IGSF22: variants seen among roughly 807,000 people sequenced by gnomAD.
IGSF22 encodes the protein immunoglobulin superfamily, member 22.
In IGSF22, 119 loss-of-function variants were observed where a neutral mutation model predicts 127.0. That is an observed-to-expected ratio of 0.94 (90% CI 0.81 to 1.09). The LOEUF (loss-of-function observed/expected upper bound fraction) is 1.09, where lower values mean the gene tolerates loss of function less well. IGSF22 is among the 50% of genes least tolerant of loss of function. IGSF22 has a pLI of 0.00. For missense variants in IGSF22, 1,518 were observed against 1,716.6 expected (o/e 0.88, Z 2.04); for synonymous variants, 568 against 664.7 (o/e 0.85, Z 2.24).
intron 2 of IGSF22, among the ~76,000 whole-genome samples, chr11:18,722,758 T>C (rs913334448): frequency 6.6e-6 from 1 of 152,236 alleles, no homozygotes; most frequent in African/African-American, 2.4e-5. Context: ...TCAGAGATGA[T>C]TTTATTCCAT....
In IGSF22 at chr11:18,706,023, G is replaced by A. The variant is rs1374036538; in HGVS notation, c.3704C>T (p.Ala1235Val). 1 of 1,551,668 alleles carries A rather than the reference G, an allele frequency of 6.4e-7. No homozygotes were observed. Among genetic ancestry groups the A allele is most frequent in the Non-Finnish European group, 8.7e-7 (1 of 1,146,978 alleles). The change falls in exon 22 of 23, where the codon GCC becomes GTC. Residue 1235 changes from alanine (A) to valine (V), a missense_variant. By Grantham distance (64) the Ala-to-Val change is moderately conservative. Coordinates refer to ENST00000513874, the MANE Select transcript of IGSF22 (RefSeq NM_173588.4). ...LRGQDCTMTC[A>V]FLGNPRPTVT... is the part of the protein sequence containing the mutation. Reference sequence around the variant, plus strand: ...TGTGGGCCGCGGGTTCCCAAGGAAGGCGCAGGTCATGGTGCAGTCCTGGCC... The same window carrying A: ...TGTGGGCCGCGGGTTCCCAAGGAAGACGCAGGTCATGGTGCAGTCCTGGCC...
chr11:18,719,426 C>A (rs961377734), intron 7 of IGSF22, among the ~76,000 whole-genome samples: 1 of 152,144 alleles, frequency 6.6e-6, no homozygotes. Context: ...CTTGGCCTCC[C>A]AGAGTGCTGG....
At chr11:18,706,187 G>A (rs1261446105) in intron 21 of IGSF22, 41 bp from the exon 22 acceptor site, 1 of 1,498,274 alleles carries the variant, frequency 6.7e-7, no homozygotes, top group Non-Finnish European at 8.9e-7. Context: ...GGCGCCCCAA[G>A]GCCCCCACCC....
At chr11:18,714,840 A>C (rs1848430958) in intron 11 of IGSF22, among the ~76,000 whole-genome samples, 1 of 152,048 alleles carries the variant, frequency 6.6e-6, no homozygotes, top group Admixed American at 6.5e-5. Flanking sequence ...GGGATGGGGA[A>C]AGGTCAGTGG....
At position 18,716,790 on chromosome 11, in the gene IGSF22, T is replaced by A. The variant is rs754720561; in HGVS notation, c.1184A>T (p.Asp395Val). Reference sequence around the variant, plus strand: ...CGCCTCAGCAGAGAACTCGCCGCTGTCACTGAGTCTGGCATCCTTAATCTT... The same window carrying A: ...CGCCTCAGCAGAGAACTCGCCGCTGACACTGAGTCTGGCATCCTTAATCTT... ...TLKIKDARLSDSGEFSAEAGN... is the reference protein window; with the variant it reads ...TLKIKDARLSVSGEFSAEAGN... The change falls in exon 10 of 23, where the codon GAC (aspartate) becomes GTC (valine). Residue 395 changes from aspartate to valine, a missense_variant. Asp to Val is a radical substitution (Grantham distance 152). Coordinates refer to ENST00000513874, the MANE Select transcript of IGSF22 (RefSeq NM_173588.4). The surrounding 1 kb of genome is among the most constrained non-coding windows in gnomAD (Gnocchi z 4.5). The A allele has an allele frequency of 1.2e-6, 2 of 1,614,240 alleles. No individual in the cohort carries two copies. The highest frequency in any genetic ancestry group is 1.7e-6 in the Non-Finnish European group (2 of 1,180,040).
chr11:18,714,718 CA>C, intron 11 of IGSF22, 94 bp from the exon 12 acceptor site: 3 of 1,500,670 alleles, frequency 2.0e-6, no homozygotes, highest in African/African-American at 1.4e-5. Context: ...TGGGACTGGT[CA>C]GGGGTGCTGC....
intron 7 of IGSF22, among the ~76,000 whole-genome samples, chr11:18,719,112 T>A (rs1482294349): frequency 6.6e-6 from 1 of 152,180 alleles, no homozygotes; most frequent in Non-Finnish European, 1.5e-5. Flanking sequence ...ATGCCCAAGT[T>A]CACACAGCTA....
At chr11:18,719,590 G>A (rs1714010053) in intron 7 of IGSF22, 126 bp downstream of exon 7, 2 of 879,790 alleles carry the variant, frequency 2.3e-6, no homozygotes, top group Non-Finnish European at 3.5e-6. Context: ...ACAGTGGAGA[G>A]TACGCCTCTG....
At position 18,719,310 on chromosome 11, in the gene IGSF22, G is replaced by GTT. The variant is rs55831921; in HGVS notation, c.696+404_696+405dup. On this transcript the variant is annotated intron_variant, in intron 7 of 22. Coordinates refer to ENST00000513874, the MANE Select transcript of IGSF22 (RefSeq NM_173588.4). Reference sequence around the variant, plus strand: ...CAGGTGTGTGCCACCACACCCAGCGGTTTTTTTTTGTTTTTTTTTGTTTTT... The same window carrying GTT: ...CAGGTGTGTGCCACCACACCCAGCGGTTTTTTTTTTTGTTTTTTTTTGTTTTT... Among the ~76,000 whole-genome samples the GTT allele has an allele frequency of 1.4e-3, 211 of 149,810 alleles. 1 individual carries two copies. The highest frequency in any genetic ancestry group is 3.4e-3 in the Middle Eastern group (1 of 290).
chr11:18,710,446 C>T lies in IGSF22; in HGVS notation c.2582G>A (p.Cys861Tyr). ...GTCCTCCAGGAGACCATCCACAGTG[C>T]ACTTGGTGCCTGAAATGGGAAGATG... ...VNKDPIQGTK[C>Y]TVDGLLEDTE... The change falls in exon 17 of 23, where the codon TGC becomes TAC. Residue 861 changes from cysteine (C) to tyrosine (Y), a missense_variant. Cys to Tyr is a radical substitution (Grantham distance 194). Transcript: ENST00000513874. 6.2e-7 allele frequency: 1 copy of T among 1,614,144 alleles called. No individual in the cohort carries two copies. The highest frequency in any genetic ancestry group is 8.5e-7 in the Non-Finnish European group (1 of 1,180,044).
chr11:18,708,641 G>A (rs1848293469), intron 18 of IGSF22, among the ~76,000 whole-genome samples: 1 of 152,130 alleles, frequency 6.6e-6, no homozygotes, highest in African/African-American at 2.4e-5. Flanking sequence ...CCTCCAAACT[G>A]CCCTTAATCA....
At position 18,715,422 on chromosome 11, in the gene IGSF22, C is replaced by G; in HGVS notation, c.1531+10G>C. The G allele has an allele frequency of 6.2e-7, 1 of 1,600,174 alleles. No homozygotes were observed. On this transcript the variant is annotated intron_variant, in intron 11 of 22. Transcript: ENST00000513874. ...GATTGGTCAGTGGGGATTGATAGGGCGGGTGTTACCCTCCACAGTGACGAT... is the reference window on the plus strand; with the variant it reads ...GATTGGTCAGTGGGGATTGATAGGGGGGGTGTTACCCTCCACAGTGACGAT...
intron 14 of IGSF22, among the ~76,000 whole-genome samples, chr11:18,712,796 T>C (rs984112083): frequency 1.3e-5 from 2 of 152,226 alleles, no homozygotes; most frequent in Non-Finnish European, 1.5e-5. Flanking sequence ...CATCTCTGTG[T>C]ACACAGCAGT....
In IGSF22 at chr11:18,715,681, C is replaced by T. The variant is rs188761494; in HGVS notation, c.1282G>A (p.Val428Ile). 1.3e-3 allele frequency: 2,049 copies of T among 1,613,106 alleles called. 9 individuals are homozygous for T. The highest frequency in any genetic ancestry group is 8.7e-4 in the Non-Finnish European group (1,032 of 1,179,724). ...PIKFVSNLKN[V>I]RVKERSRACL... is the part of the protein sequence containing the mutation. ...GCGCGACTCCTCTCTTTCACACGTA[C>T]ATTTTTGAGGTTGCTCACAAACTTG... The change falls in exon 11 of 23, where the codon GTA becomes ATA. Residue 428 changes from valine (V) to isoleucine (I), a missense_variant. Physicochemically the swap from Val to Ile is conservative, Grantham distance 29. Transcript: ENST00000513874.
In IGSF22 at chr11:18,710,384, C is replaced by T. The variant is rs376033718; in HGVS notation, c.2644G>A (p.Ala882Thr). Residue 882 changes from alanine to threonine, a missense_variant, in exon 17 of 23, where the codon GCA (alanine) becomes ACA (threonine). Ala to Thr is a moderately conservative substitution (Grantham distance 58). This residue lies in a region of IGSF22 where 1,456 missense variants were observed against 1,644.9 expected (regional missense o/e 0.89). Transcript: ENST00000513874. ...YEFRVIAVNK[A>T]GPGQPSVPSS... is the part of the protein sequence containing the mutation. ...GGCACACTGGGCTGTCCAGGGCCTG[C>T]CTTATTTACAGCTATAACTCGGAAT... 5 of 1,614,182 alleles carry T rather than the reference C, an allele frequency of 3.1e-6. No homozygotes were observed. The highest frequency in any genetic ancestry group is 4.2e-6 in the Non-Finnish European group (5 of 1,180,032).
At chr11:18,710,976 C>T in intron 15 of IGSF22, 148 bp from the exon 16 acceptor site, 1 of 703,942 alleles carries the variant, frequency 1.4e-6, no homozygotes, top group African/African-American at 1.8e-5. Context: ...AGGTCTCACT[C>T]TGTTGCCCAG....
chr11:18,715,464 T>C lies in IGSF22; in HGVS notation c.1499A>G (p.Glu500Gly). 6.2e-7 allele frequency: 1 copy of C among 1,613,326 alleles called. No individual in the cohort carries two copies. Among genetic ancestry groups the C allele is most frequent in the Non-Finnish European group, 8.5e-7 (1 of 1,179,896 alleles). ...VVAMQDGDPTEYYSTAIVTVE... is the reference protein window; with the variant it reads ...VVAMQDGDPTGYYSTAIVTVE... ...AGTGACGATGGCAGTACTGTAGTAT[T>C]CAGTAGGGTCTCCATCCTGCATGGC... The change falls in exon 11 of 23, where the codon GAA becomes GGA. Residue 500 changes from glutamate to glycine, a missense_variant. By Grantham distance (98) the Glu-to-Gly change is moderately conservative (BLOSUM62 -2). Transcript: ENST00000513874.
At position 18,717,928 on chromosome 11, in the gene IGSF22, T is replaced by C; in HGVS notation, c.973+3A>G. The C allele has an allele frequency of 1.9e-6, 3 of 1,612,952 alleles. No homozygotes were observed. In the Middle Eastern group the frequency reaches 5.0e-4, roughly 268 times the overall value. ...TTGTGCCCTTGCATGCCCCCACTCA[T>C]ACCCAGCACTGTGAGCTCTGCACTC... On this transcript the variant is annotated splice_donor_region_variant and intron_variant, in intron 9 of 22. Transcript: ENST00000513874.
chr11:18,717,095 G>A lies in IGSF22; in HGVS notation c.974-95C>T, dbSNP rs1848477650. 4.3e-6 allele frequency: 6 copies of A among 1,389,710 alleles called. No individual in the cohort carries two copies. The African/African-American group carries it at 7.1e-5, about 17-fold the overall frequency. 86.1% of individuals were successfully genotyped at this position (1,389,710 alleles called of 1,614,324 possible). A position where few individuals can be genotyped will look rare whatever the true frequency, so the allele number is the denominator to read the frequency against. On this transcript the variant is annotated intron_variant, in intron 9 of 22. Coordinates refer to ENST00000513874, the MANE Select transcript of IGSF22 (RefSeq NM_173588.4). Reference sequence around the variant, plus strand: ...ACTCACATGTCACTGGCCTCCTGTAGCCCATGGCTGGGGGAAAGCACCCTG... The same window carrying A: ...ACTCACATGTCACTGGCCTCCTGTAACCCATGGCTGGGGGAAAGCACCCTG...
Sources: allele counts gnomAD v4.1 joint callset (sites outside exome capture counted in the v4.1 genomes callset), GRCh38; gene constraint gnomAD v4.1.1; regional missense constraint gnomAD v4.1.1; non-coding constraint Gnocchi (gnomAD v3.1); transcripts MANE v1.5; gene names NCBI Gene and HGNC (gene_info 2026-07-23, HGNC 2026-07-21).